IGSF10: variants seen among roughly 807,000 people sequenced by gnomAD.
The protein encoded by IGSF10 is immunoglobulin superfamily member 10, also known as calvaria mechanical force protein 608.
Under a neutral mutation model 128.2 loss-of-function variants are expected in IGSF10, and 126 were observed. The ratio of observed to expected loss-of-function variants is 0.98; its 90% CI spans 0.85 to 1.14. The LOEUF is 1.14. IGSF10 is among the 50% of genes most tolerant of loss of function. The pLI, the probability that IGSF10 is intolerant of heterozygous loss-of-function variation, is 0.00. For missense variants in IGSF10, 3,295 were observed against 3,149.8 expected (o/e 1.05, Z -1.10); for synonymous variants, 1,185 against 1,146.2 (o/e 1.03, Z -0.68).
chr3:151,597,742 C>A, the IGSF10 span, among the ~76,000 whole-genome samples: 8 of 152,022 alleles, frequency 5.3e-5, no homozygotes, highest in South Asian at 2.1e-4. Context: ...TATGGTGAAA[C>A]CTCGTCTCTA....
At chr3:151,580,838 T>C in the IGSF10 span, among the ~76,000 whole-genome samples, 2 of 152,204 alleles carry the variant, frequency 1.3e-5, no homozygotes, top group East Asian at 3.8e-4. Context: ...CCTAGCAGAA[T>C]TCTTCACTTG....
the IGSF10 span, among the ~76,000 whole-genome samples, chr3:151,590,372 G>A: frequency 6.6e-6 from 1 of 152,064 alleles, no homozygotes; most frequent in Non-Finnish European, 1.5e-5. Context: ...ATGAAAACAA[G>A]AAAAGATTAT....
the IGSF10 span, among the ~76,000 whole-genome samples, chr3:151,473,819 G>T: frequency 6.6e-6 from 1 of 151,944 alleles, no homozygotes; most frequent in Admixed American, 6.6e-5. Context: ...TTGTTATTTT[G>T]CCTGGCTTGC....
At chr3:151,582,300 G>GC in the IGSF10 span, among the ~76,000 whole-genome samples, 1 of 103,868 alleles carries the variant, frequency 9.6e-6, no homozygotes, top group African/African-American at 3.5e-5. Flanking sequence ...TCCGGGGGGG[G>GC]GGGCGGGAAG....
rs1221475448 is a variant in IGSF10, at chr3:151,438,120, G to T, written c.6441C>A (p.Asn2147Lys). 1 of 1,614,176 alleles carries T rather than the reference G, an allele frequency of 6.2e-7. No homozygotes were observed. Among genetic ancestry groups the T allele is most frequent in the Non-Finnish European group, 8.5e-7 (1 of 1,180,034 alleles). Reference protein sequence around the residue: ...ITAAPRIRQSNKTNKRIKAGD... With the variant: ...ITAAPRIRQSKKTNKRIKAGD... ...CAGCTTTGATTCTCTTGTTGGTTTT[G>T]TTACTCTGCCTTATCCGGGGAGCAG... Residue 2147 changes from asparagine to lysine, a missense_variant, in exon 8 of 8, where the codon AAC becomes AAA. By Grantham distance (94) the Asn-to-Lys change is moderately conservative (BLOSUM62 0). Transcript: ENST00000282466.
the IGSF10 span, among the ~76,000 whole-genome samples, chr3:151,528,733 A>T: frequency 6.6e-6 from 1 of 151,992 alleles, no homozygotes; most frequent in Non-Finnish European, 1.5e-5. Flanking sequence ...TACCTATGCC[A>T]CCAGGGCCAT....
chr3:151,588,525 T>C, the IGSF10 span, among the ~76,000 whole-genome samples: 2 of 152,332 alleles, frequency 1.3e-5, no homozygotes, highest in Admixed American at 6.5e-5. Flanking sequence ...TACACACTAA[T>C]ATTTTTGTAT....
At chr3:151,486,478 T>C in the IGSF10 span, among the ~76,000 whole-genome samples, 1 of 152,228 alleles carries the variant, frequency 6.6e-6, no homozygotes, top group Non-Finnish European at 1.5e-5. Context: ...AATAGACATC[T>C]ACAGAATTCT....
chr3:151,609,524 C>CA, the IGSF10 span, among the ~76,000 whole-genome samples: 1,022 of 141,718 alleles, frequency 7.2e-3, 5 homozygotes, highest in African/African-American at 0.014. Flanking sequence ...AATTGTTCCA[C>CA]AAAAAAAAAA....
the IGSF10 span, among the ~76,000 whole-genome samples, chr3:151,585,453 C>T: frequency 1.3e-5 from 2 of 152,046 alleles, no homozygotes; most frequent in African/African-American, 4.8e-5. Flanking sequence ...TCATATTTTG[C>T]TATTGTTGCA....
At chr3:151,493,636 T>C in the IGSF10 span, among the ~76,000 whole-genome samples, 1 of 152,160 alleles carries the variant, frequency 6.6e-6, no homozygotes, top group African/African-American at 2.4e-5. Context: ...CAATAAAACA[T>C]TCCACATAGC....
chr3:151,541,919 C>T, the IGSF10 span, among the ~76,000 whole-genome samples: 6 of 152,128 alleles, frequency 3.9e-5, no homozygotes, highest in Non-Finnish European at 7.4e-5. Flanking sequence ...ATTGTGTATG[C>T]GGCAGGTAGC....
chr3:151,500,193 T>G, the IGSF10 span, among the ~76,000 whole-genome samples: 1 of 152,082 alleles, frequency 6.6e-6, no homozygotes. Context: ...AAATAAAAAA[T>G]GTAACCTTAT....
the IGSF10 span, among the ~76,000 whole-genome samples, chr3:151,487,299 A>G: frequency 6.6e-6 from 1 of 152,232 alleles, no homozygotes; most frequent in East Asian, 1.9e-4. Context: ...CGAATCCTTG[A>G]ATAGACCAAT....
At chr3:151,491,090 G>A in the IGSF10 span, among the ~76,000 whole-genome samples, 1 of 151,900 alleles carries the variant, frequency 6.6e-6, no homozygotes, top group African/African-American at 2.4e-5. Context: ...AATTAAAATT[G>A]ACAAACCCTT....
chr3:151,542,526 T>C, the IGSF10 span, among the ~76,000 whole-genome samples: 1 of 152,214 alleles, frequency 6.6e-6, no homozygotes, highest in African/African-American at 2.4e-5. Context: ...TTTGTATAAA[T>C]ATATATGCAT....
chr3:151,441,795 C>G (rs1304791582), intron 7 of IGSF10, among the ~76,000 whole-genome samples: 7 of 152,194 alleles, frequency 4.6e-5, no homozygotes, highest in African/African-American at 9.7e-5. Context: ...GGCACGGTGG[C>G]TCATGCCTGT....
the IGSF10 span, among the ~76,000 whole-genome samples, chr3:151,597,916 TAAA>T: frequency 1.7e-4 from 24 of 144,474 alleles, no homozygotes; most frequent in Admixed American, 4.8e-4. Context: ...AGACTCTGTC[TAAA>T]AAAAAAAAAA....
At chr3:151,551,266 A>G in the IGSF10 span, among the ~76,000 whole-genome samples, 1 of 152,044 alleles carries the variant, frequency 6.6e-6, no homozygotes, top group Non-Finnish European at 1.5e-5. Flanking sequence ...TTTCCTATTT[A>G]ATTTATTATT....
Sources: gnomAD v4.1 joint callset for allele counts (sites outside exome capture counted in the v4.1 genomes callset) on GRCh38, gnomAD v4.1.1 for gene constraint, MANE v1.5 for transcripts, NCBI Gene and HGNC (gene_info 2026-07-23, HGNC 2026-07-21) for gene names.